NEDD4L: variants seen among roughly 807,000 people sequenced by gnomAD.
The protein encoded by NEDD4L is NEDD4 like E3 ubiquitin protein ligase, also known as E3 ubiquitin-protein ligase NEDD4-like.
In NEDD4L, 54 loss-of-function variants were observed where a neutral mutation model predicts 148.9. That is an observed-to-expected ratio of 0.36 (90% CI 0.29 to 0.45). The LOEUF is 0.45. NEDD4L is among the 20% of genes least tolerant of loss of function. The pLI, the probability that NEDD4L is intolerant of heterozygous loss-of-function variation, is 1.00. For missense variants in NEDD4L, 856 were observed against 1,233.8 expected (o/e 0.69, Z 4.59); for synonymous variants, 433 against 440.7 (o/e 0.98, Z 0.22).
intron 5 of NEDD4L, among the ~76,000 whole-genome samples, chr18:58,282,294 A>G (rs2053261891): frequency 1.3e-5 from 2 of 151,986 alleles, no homozygotes; most frequent in Admixed American, 1.3e-4. Flanking sequence ...CTGTCACCTC[A>G]GAGGAGGACC....
chr18:58,161,620 T>C (rs919435099), intron 1 of NEDD4L, among the ~76,000 whole-genome samples: 1 of 152,164 alleles, frequency 6.6e-6, no homozygotes, highest in South Asian at 2.1e-4. Context: ...AAAATGAGAT[T>C]ACATTGTACT....
intron 1 of NEDD4L, among the ~76,000 whole-genome samples, chr18:58,117,371 G>T (rs1182436960): frequency 6.6e-6 from 1 of 152,202 alleles, no homozygotes; most frequent in Non-Finnish European, 1.5e-5. Context: ...ACACTTTTGA[G>T]TTTGGATGTC....
chr18:58,344,151 G>A (rs943505834), intron 16 of NEDD4L, among the ~76,000 whole-genome samples: 1 of 152,206 alleles, frequency 6.6e-6, no homozygotes, highest in Admixed American at 6.5e-5. Context: ...CCCATTTCTA[G>A]TGATGGACAT....
intron 24 of NEDD4L, among the ~76,000 whole-genome samples, chr18:58,377,867 G>T (rs2047780172): frequency 6.6e-6 from 1 of 152,148 alleles, no homozygotes; most frequent in South Asian, 2.1e-4. Context: ...GCCTCAGCCT[G>T]CTGAGTAGCT....
chr18:58,267,831 A>C (rs376268546), intron 5 of NEDD4L, among the ~76,000 whole-genome samples: 25 of 152,240 alleles, frequency 1.6e-4, no homozygotes, highest in African/African-American at 6.0e-4. Context: ...ATGTGTGGGC[A>C]TTAAAGCAAA....
rs180945262 is a variant in NEDD4L at position 58,256,319 on chromosome 18, C to T, written c.297+4265C>T. On this transcript the variant is annotated intron_variant, in intron 5 of 30. Coordinates refer to ENST00000400345, the MANE Select transcript of NEDD4L (RefSeq NM_001144967.3). The surrounding 1 kb of genome is among the most constrained non-coding windows in gnomAD (Gnocchi z 5.2). ...CGCGGCAGAGCCCAGGCGCTGGTCC[C>T]TGCAGCACGTTCCAGATGCTTCTGG... is the stretch of plus-strand genomic sequence containing the variant. 1.5e-3 allele frequency: 1,891 copies of T among 1,231,982 alleles called. 25 individuals carry two copies. The African/African-American group carries it at 0.026, about 17-fold the overall frequency. The allele number at this position is 1,231,982 out of a possible 1,614,324, so 76.3% of individuals were successfully genotyped here. A position where few individuals can be genotyped will look rare whatever the true frequency, so the allele number is the denominator to read the frequency against.
intron 1 of NEDD4L, among the ~76,000 whole-genome samples, chr18:58,108,169 A>T (rs2085191326): frequency 6.6e-6 from 1 of 152,220 alleles, no homozygotes; most frequent in Non-Finnish European, 1.5e-5. Flanking sequence ...TTAGCCTGAG[A>T]AATTAGTTTG....
At chr18:58,309,673 C>T (rs2057454411) in intron 5 of NEDD4L, among the ~76,000 whole-genome samples, 1 of 150,814 alleles carries the variant, frequency 6.6e-6, no homozygotes, top group African/African-American at 2.4e-5. Context: ...GTCTTAAGTT[C>T]AGATTATCAA....
At chr18:58,306,280 A>G (rs2149307945) in intron 5 of NEDD4L, among the ~76,000 whole-genome samples, 1 of 148,050 alleles carries the variant, frequency 6.8e-6, no homozygotes, top group Non-Finnish European at 1.5e-5. Context: ...AAAAGATATC[A>G]GGGGTGGGGG....
chr18:58,180,665 A>G (rs2146964871), intron 2 of NEDD4L, among the ~76,000 whole-genome samples: 1 of 152,242 alleles, frequency 6.6e-6, no homozygotes, highest in African/African-American at 2.4e-5. Context: ...CATTTATTTT[A>G]TTCTGTAGGT....
intron 1 of NEDD4L, among the ~76,000 whole-genome samples, chr18:58,103,880 T>C (rs141699788): frequency 1.3e-5 from 2 of 152,304 alleles, no homozygotes; most frequent in African/African-American, 2.4e-5. Flanking sequence ...AATAAAGCTG[T>C]CCTAGAGGAC....
Position 58,390,741 on chromosome 18 carries a change from T to C in NEDD4L, c.2751T>C (p.Tyr917=), listed in dbSNP as rs2049701515. 2 of 1,585,002 alleles carry C rather than the reference T, an allele frequency of 1.3e-6. No homozygotes were observed. Among genetic ancestry groups the C allele is most frequent in the Non-Finnish European group, 8.6e-7 (1 of 1,162,476 alleles). Reference sequence around the variant, plus strand: ...CTATGAATGGATTTGCCGAACTTTATGGTGAGCAGGATACCATTGGATTCA... The same window carrying C: ...CTATGAATGGATTTGCCGAACTTTACGGTGAGCAGGATACCATTGGATTCA... The part of the protein sequence containing the change: ...RVPMNGFAEL[Y]GSNGPQLFTI... The change falls in exon 29 of 31, where the codon TAT becomes TAC. Residue 917 remains tyrosine (Y), a splice_region_variant and synonymous_variant. Transcript: ENST00000400345.
At chr18:58,097,997 G>T (rs2084526003) in intron 1 of NEDD4L, among the ~76,000 whole-genome samples, 1 of 152,180 alleles carries the variant, frequency 6.6e-6, no homozygotes, top group Admixed American at 6.5e-5. Context: ...CCATTGCACT[G>T]CAGCCTGCGC....
chr18:58,262,798 T>G (rs1157895078), intron 5 of NEDD4L, among the ~76,000 whole-genome samples: 1 of 152,214 alleles, frequency 6.6e-6, no homozygotes, highest in Non-Finnish European at 1.5e-5. Context: ...GTGAGACAGG[T>G]GGCCTGATGT....
chr18:58,355,371 G>C (rs1175714185), intron 18 of NEDD4L, among the ~76,000 whole-genome samples: 1 of 152,204 alleles, frequency 6.6e-6, no homozygotes, highest in East Asian at 1.9e-4. Flanking sequence ...ACCAATTTTG[G>C]TGTTGGGTGA....
intron 1 of NEDD4L, among the ~76,000 whole-genome samples, chr18:58,132,271 GGA>G (rs1171103269): frequency 1.3e-5 from 2 of 152,194 alleles, no homozygotes; most frequent in Admixed American, 1.3e-4. Context: ...GCCACCCACA[GGA>G]GAGAGGGGAT....
intron 5 of NEDD4L, among the ~76,000 whole-genome samples, chr18:58,306,328 A>C (rs1474919205): frequency 6.6e-6 from 1 of 152,098 alleles, no homozygotes; most frequent in Non-Finnish European, 1.5e-5. Context: ...AAAACTATTC[A>C]ATTCCATTTG....
intron 16 of NEDD4L, among the ~76,000 whole-genome samples, chr18:58,348,268 G>A (rs1290771384): frequency 6.7e-6 from 1 of 149,054 alleles, no homozygotes; most frequent in Non-Finnish European, 1.5e-5. Context: ...AAAGTGCTGA[G>A]ATTACAAGTG....
At chr18:58,238,059 C>CT (rs1185177711) in intron 2 of NEDD4L, among the ~76,000 whole-genome samples, 1 of 152,178 alleles carries the variant, frequency 6.6e-6, no homozygotes, top group Non-Finnish European at 1.5e-5. Context: ...GTTTTAATGT[C>CT]TTTTTTAGCT....
Sources: allele counts gnomAD v4.1 joint callset (sites outside exome capture counted in the v4.1 genomes callset), GRCh38; gene constraint gnomAD v4.1.1; non-coding constraint Gnocchi (gnomAD v3.1); transcripts MANE v1.5; gene names NCBI Gene and HGNC (gene_info 2026-07-23, HGNC 2026-07-21).